NPC1: variants seen among roughly 807,000 people sequenced by gnomAD.
NPC1 encodes Niemann-Pick C1 protein.
In NPC1, 85 loss-of-function variants were observed where a neutral mutation model predicts 140.4. The observed-to-expected ratio is 0.61, with a 90% CI of 0.51 to 0.72. NPC1 has a LOEUF of 0.72. NPC1 is among the 30% of genes least tolerant of loss of function. NPC1 has a pLI of 0.00. For missense variants in NPC1, 1,504 were observed against 1,623.8 expected (o/e 0.93, Z 1.27); for synonymous variants, 656 against 624.8 (o/e 1.05, Z -0.74).
At chr18:23,553,715 T>C (rs2058908049) in intron 9 of NPC1, among the ~76,000 whole-genome samples, 3 of 152,214 alleles carry the variant, frequency 2.0e-5, no homozygotes, top group Admixed American at 2.0e-4. Context: ...GGCATCATGC[T>C]ACTCTTCCCC....
chr18:23,525,471 C>T (rs531242472), downstream of NPC1, among the ~76,000 whole-genome samples: 4 of 152,044 alleles, frequency 2.6e-5, no homozygotes, highest in Non-Finnish European at 4.4e-5. Context: ...TGTCACCAGG[C>T]TGGAGTGCAG....
chr18:23,506,623 A>C (rs745859655), exon 4 of NPC1: 1 of 256,922 alleles, frequency 3.9e-6, no homozygotes, highest in Non-Finnish European at 7.6e-6. Flanking sequence ...ACAAGTAGAT[A>C]GTTCTTTCCA....
intron 3 of NPC1, chr18:23,515,777 C>T (rs2057986443): frequency 1.9e-6 from 3 of 1,560,112 alleles, no homozygotes; most frequent in Non-Finnish European, 2.6e-6. Context: ...AGGTGATCCG[C>T]CCACCTTAGC....
At chr18:23,527,781 T>C, downstream of NPC1, 1 of 1,607,054 alleles carries the variant, frequency 6.2e-7, no homozygotes, top group Non-Finnish European at 8.5e-7. Flanking sequence ...TGTGTGAACA[T>C]TGTGCCTTTC....
At chr18:23,528,884 C>CTTT, downstream of NPC1, 3 of 253,338 alleles carry the variant, frequency 1.2e-5, no homozygotes, top group South Asian at 5.1e-5. Flanking sequence ...ATCTGAACTG[C>CTTT]TTTTTTTTTT....
intron 6 of NPC1, among the ~76,000 whole-genome samples, chr18:23,559,567 G>A (rs1226628364): frequency 7.8e-6 from 1 of 127,974 alleles, no homozygotes; most frequent in Non-Finnish European, 1.5e-5. Flanking sequence ...ATGGACTCCT[G>A]ACCTCATGAT....
chr18:23,524,537 T>C (rs376993094), downstream of NPC1: 13 of 1,577,286 alleles, frequency 8.2e-6, no homozygotes, highest in Non-Finnish European at 1.0e-5. Context: ...TGACTTTGGA[T>C]CCCAGTTGTA....
chr18:23,537,675 G>A (rs988059427), intron 20 of NPC1, among the ~76,000 whole-genome samples: 1 of 152,154 alleles, frequency 6.6e-6, no homozygotes, highest in East Asian at 1.9e-4. Flanking sequence ...CATGACGCTG[G>A]CACCCTGGAG....
chr18:23,518,905 T>C, downstream of NPC1: 8 of 1,614,130 alleles, frequency 5.0e-6, no homozygotes, highest in Non-Finnish European at 6.8e-6. Context: ...GGCAGCTGTA[T>C]GTTCTCTTCT....
Position 23,543,453 on chromosome 18 carries a change from A to T in NPC1, c.2245+2T>A. ...GACTGGTAGGATTGAAAGCATAATT[A>T]CCTAAGAAAAATGCTACAGTCTCAG... On this transcript the variant is annotated splice_donor_variant, in intron 14 of 24. Transcript: ENST00000269228. LOFTEE classifies it high-confidence loss of function. 6.4e-7 allele frequency: 1 copy of T among 1,557,878 alleles called. No homozygotes were observed. Among genetic ancestry groups the T allele is most frequent in the Non-Finnish European group, 8.9e-7 (1 of 1,129,238 alleles).
chr18:23,543,130 C>T (rs1366084307), intron 14 of NPC1, among the ~76,000 whole-genome samples: 1 of 152,054 alleles, frequency 6.6e-6, no homozygotes, highest in African/African-American at 2.4e-5. Flanking sequence ...GAGTTCGAGA[C>T]CAGCCTGGCC....
At chr18:23,557,259 C>T in intron 6 of NPC1, 69 bp from the exon 7 acceptor site, 2 of 1,164,842 alleles carry the variant, frequency 1.7e-6, no homozygotes, top group Non-Finnish European at 2.5e-6. Context: ...TGGGACATTC[C>T]TGTAATCCCA....
At chr18:23,569,362 C>T (rs112217236) in intron 3 of NPC1, among the ~76,000 whole-genome samples, 10 of 152,256 alleles carry the variant, frequency 6.6e-5, no homozygotes, top group Non-Finnish European at 1.0e-4. Flanking sequence ...CTCACTTTGT[C>T]GCCCAGGCTG....
chr18:23,544,949 C>CCCT lies in NPC1; in HGVS notation c.1947+10_1947+11insAGG, dbSNP rs1555634676. 2.9e-6 allele frequency: 4 copies of CCCT among 1,402,104 alleles called. No individual in the cohort carries two copies. In the African/African-American group the frequency reaches 4.2e-5, roughly 15 times the overall value. 86.9% of individuals were successfully genotyped at this position (1,402,104 alleles called of 1,614,324 possible). Reference sequence around the variant, plus strand: ...AACCTCTAGAACATACACCACCCCCCCCCGGCTTACCAGAAGCCTGCGACA... The same window carrying CCCT: ...AACCTCTAGAACATACACCACCCCCCCCTCCCGGCTTACCAGAAGCCTGCGACA... On this transcript the variant is annotated intron_variant, in intron 12 of 24. Coordinates refer to ENST00000269228, the MANE Select transcript of NPC1 (RefSeq NM_000271.5).
intron 4 of NPC1, among the ~76,000 whole-genome samples, chr18:23,568,516 C>G (rs1198542033): frequency 2.0e-5 from 3 of 152,184 alleles, no homozygotes; most frequent in Non-Finnish European, 2.9e-5. Context: ...TATGACATTA[C>G]ACAACTCATG....
At chr18:23,539,570 A>T in intron 18 of NPC1, 100 bp from the exon 19 acceptor site, 1 of 885,282 alleles carries the variant, frequency 1.1e-6, no homozygotes, top group Non-Finnish European at 1.8e-6. Context: ...TACGTTTTAT[A>T]CTGCTAACAG....
At chr18:23,516,085 A>G (rs2057996116) in intron 3 of NPC1, 1 of 1,572,718 alleles carries the variant, frequency 6.4e-7, no homozygotes. Context: ...CGTTAGGGAC[A>G]GGTTCCTCTA....
chr18:23,525,872 TGAG>T (rs775052086), downstream of NPC1, among the ~76,000 whole-genome samples: 2 of 152,224 alleles, frequency 1.3e-5, no homozygotes, highest in Non-Finnish European at 2.9e-5. Flanking sequence ...TAAGAACTCT[TGAG>T]GAGAGAATTA....
intron 10 of NPC1, among the ~76,000 whole-genome samples, chr18:23,548,857 C>T (rs1023071013): frequency 7.2e-5 from 11 of 152,218 alleles, no homozygotes; most frequent in Non-Finnish European, 1.6e-4. Flanking sequence ...GTGGTGCAAT[C>T]GCGGCTTTTT....
Sources: allele counts gnomAD v4.1 joint callset (sites outside exome capture counted in the v4.1 genomes callset), GRCh38; gene constraint gnomAD v4.1.1; transcripts MANE v1.5; gene names NCBI Gene and HGNC (gene_info 2026-07-23, HGNC 2026-07-21).